The following PIWIL2 variants were observed in gnomAD, a reference collection of about 807,000 sequenced individuals.
PIWIL2 encodes piwi like RNA-mediated gene silencing 2, also known as piwi-like protein 2.
PIWIL2 carries 81 observed loss-of-function variants against 116.5 expected under a neutral mutation model. The observed-to-expected ratio is 0.70, with a 90% CI of 0.58 to 0.84. The LOEUF (loss-of-function observed/expected upper bound fraction) is 0.84, where lower values mean the gene tolerates loss of function less well. PIWIL2 is among the 40% of genes least tolerant of loss of function. The pLI, the probability that PIWIL2 is intolerant of heterozygous loss-of-function variation, is 0.00. For synonymous variants in PIWIL2, 489 were observed against 429.5 expected (o/e 1.14, Z -1.71); for missense variants, 1,272 against 1,212.3 (o/e 1.05, Z -0.73).
chr8:22,330,283 A>G (rs1239233716), intron 20 of PIWIL2, among the ~76,000 whole-genome samples: 3 of 151,964 alleles, frequency 2.0e-5, no homozygotes, highest in African/African-American at 4.8e-5. Flanking sequence ...CTGAATTTCT[A>G]TTTGGTTCTT....
In PIWIL2 at chr8:22,327,024, C is replaced by CTTTT. The variant is rs71544876; in HGVS notation, c.2403+8767_2403+8770dup. Among the ~76,000 whole-genome samples the CTTTT allele has an allele frequency of 1.5e-3, 158 of 105,410 alleles. 2 individuals carry two copies. Among genetic ancestry groups the CTTTT allele is most frequent in the African/African-American group, 1.8e-3 (49 of 26,730 alleles). The allele number at this position is 105,410 out of a possible 152,430, so 69.2% of individuals were successfully genotyped here. A position where few individuals can be genotyped will look rare whatever the true frequency, so the allele number is the denominator to read the frequency against. ...ACAATTGCTATTTTCTGTTTTTTTA[C>CTTTT]TTTTTTTTTTTTTTTTTTTTTGAGA... On this transcript the variant is annotated intron_variant, in intron 20 of 22. Transcript: ENST00000356766.
chr8:22,348,232 G>A (rs925358382), intron 20 of PIWIL2, among the ~76,000 whole-genome samples: 23 of 150,874 alleles, frequency 1.5e-4, no homozygotes, highest in African/African-American at 5.1e-4. Flanking sequence ...CCCGGGAGGC[G>A]GAGGTTGCAG....
chr8:22,287,484 A>G (rs759659779), intron 6 of PIWIL2, 44 bp from the exon 7 acceptor site: 1 of 1,201,038 alleles, frequency 8.3e-7, no homozygotes, highest in East Asian at 2.3e-5. Context: ...TAAAGATTGC[A>G]GTTTGAGTCA....
intron 5 of PIWIL2, among the ~76,000 whole-genome samples, chr8:22,283,846 G>A (rs1290650661): frequency 6.6e-6 from 1 of 152,198 alleles, no homozygotes; most frequent in Non-Finnish European, 1.5e-5. Flanking sequence ...AAATAATTTA[G>A]GAAGAATATC....
At chr8:22,293,196 C>T (rs1044802656) in intron 10 of PIWIL2, among the ~76,000 whole-genome samples, 9 of 152,058 alleles carry the variant, frequency 5.9e-5, no homozygotes, top group South Asian at 2.1e-4. Context: ...TATAATCCAG[C>T]GCTTTGGGAG....
intron 18 of PIWIL2, 32 bp downstream of exon 18, chr8:22,315,177 C>T (rs755856264): frequency 2.5e-6 from 3 of 1,181,752 alleles, no homozygotes; most frequent in South Asian, 2.4e-5. Context: ...CAGTTTGCCT[C>T]TCCAGAGAAT....
At chr8:22,301,565 A>T (rs1300542307) in intron 10 of PIWIL2, among the ~76,000 whole-genome samples, 1 of 152,174 alleles carries the variant, frequency 6.6e-6, no homozygotes, top group Non-Finnish European at 1.5e-5. Context: ...AAGTGCTGGG[A>T]TTACAGGCAT....
chr8:22,301,354 A>G (rs1586555952), intron 10 of PIWIL2, among the ~76,000 whole-genome samples: 1 of 151,970 alleles, frequency 6.6e-6, no homozygotes, highest in East Asian at 1.9e-4. Context: ...GATGGAGTGC[A>G]GTGGCGCCAT....
chr8:22,332,140 A>G (rs992195022), intron 20 of PIWIL2, among the ~76,000 whole-genome samples: 15 of 152,048 alleles, frequency 9.9e-5, no homozygotes, highest in Non-Finnish European at 2.1e-4. Context: ...CCCCATCTCT[A>G]CTAAAAATAC....
chr8:22,308,804 A>G (rs773408946), intron 14 of PIWIL2, among the ~76,000 whole-genome samples: 2 of 152,088 alleles, frequency 1.3e-5, no homozygotes, highest in Non-Finnish European at 2.9e-5. Flanking sequence ...GCACACCACC[A>G]TGCCTGGCTA....
chr8:22,283,523 C>G (rs943075108), intron 5 of PIWIL2, among the ~76,000 whole-genome samples: 6 of 152,226 alleles, frequency 3.9e-5, no homozygotes, highest in Non-Finnish European at 5.9e-5. Context: ...ATTCCCCTGC[C>G]TCAACCTCCC....
In PIWIL2 at chr8:22,310,017, C is replaced by G. The variant is rs1231557281; in HGVS notation, c.1743C>G (p.Ile581Met). ...ERINLKNTSF[I>M]TSQELNWVKE... ...TTAACTTAAAAAATACTTCGTTTAT[C>G]ACATCTCAGGAACTAAACTGGGTTA... The change falls in exon 15 of 23, where the codon ATC (isoleucine) becomes ATG (methionine). Residue 581 changes from isoleucine to methionine, a missense_variant. By Grantham distance (10) the Ile-to-Met change is conservative. Coordinates refer to ENST00000356766, the MANE Select transcript of PIWIL2 (RefSeq NM_018068.5). 3 of 1,612,112 alleles carry G rather than the reference C, an allele frequency of 1.9e-6. No individual in the cohort carries two copies. In the South Asian group the frequency reaches 3.3e-5, roughly 18 times the overall value.
intron 20 of PIWIL2, among the ~76,000 whole-genome samples, chr8:22,323,335 A>G (rs1831649892): frequency 2.0e-5 from 3 of 151,788 alleles, no homozygotes; most frequent in Admixed American, 1.3e-4. Context: ...TTTAGTAGAG[A>G]CGGGGTATCA....
chr8:22,321,714 T>C (rs1480615894), intron 20 of PIWIL2: 1 of 200,182 alleles, frequency 5.0e-6, no homozygotes, highest in Non-Finnish European at 8.9e-6. Flanking sequence ...ACAAATAAAA[T>C]AAAAAATAAA....
At chr8:22,285,253 C>T (rs561754821) in intron 6 of PIWIL2, among the ~76,000 whole-genome samples, 2 of 152,300 alleles carry the variant, frequency 1.3e-5, no homozygotes, top group Non-Finnish European at 2.9e-5. Flanking sequence ...CTCTGGTAGC[C>T]ACCTTCCTAC....
intron 1 of PIWIL2, among the ~76,000 whole-genome samples, chr8:22,278,559 A>T (rs1053354151): frequency 2.6e-5 from 4 of 152,192 alleles, no homozygotes; most frequent in African/African-American, 9.6e-5. Flanking sequence ...AACTCACAGG[A>T]CTGAGTTTTG....
At chr8:22,305,439 G>C (rs1267351902) in intron 12 of PIWIL2, among the ~76,000 whole-genome samples, 1 of 152,136 alleles carries the variant, frequency 6.6e-6, no homozygotes, top group East Asian at 1.9e-4. Context: ...TGATTTGCCC[G>C]CCTCGGCCTC....
chr8:22,327,437 GACTC>G (rs1001345680), intron 20 of PIWIL2, among the ~76,000 whole-genome samples: 1 of 141,668 alleles, frequency 7.1e-6, no homozygotes, highest in African/African-American at 2.7e-5. Context: ...GCGCGATCTT[GACTC>G]ACCACAACCT....
chr8:22,292,371 AG>A (rs1376757099), intron 10 of PIWIL2, among the ~76,000 whole-genome samples: 1 of 152,246 alleles, frequency 6.6e-6, no homozygotes, highest in Non-Finnish European at 1.5e-5. Flanking sequence ...GTGGTAATCC[AG>A]TGGAGCCATG....
Sources: allele counts gnomAD v4.1 joint callset (sites outside exome capture counted in the v4.1 genomes callset), GRCh38; gene constraint gnomAD v4.1.1; transcripts MANE v1.5; gene names NCBI Gene and HGNC (gene_info 2026-07-23, HGNC 2026-07-21).